LARGE1: variants seen among roughly 807,000 people sequenced by gnomAD.
LARGE1 encodes the protein LARGE xylosyl- and glucuronyltransferase 1, also known as xylosyl- and glucuronyltransferase LARGE1.
In LARGE1, 43 loss-of-function variants were observed where a neutral mutation model predicts 87.6. The observed-to-expected ratio is 0.49, with a 90% confidence interval of 0.38 to 0.63. The LOEUF is 0.63. Among genes scored for constraint, LARGE1 ranks in the 30% least tolerant of loss-of-function variants. The pLI is 0.00. For synonymous variants in LARGE1, 434 were observed against 394.6 expected (o/e 1.10, Z -1.18); for missense variants, 802 against 1,000.2 (o/e 0.80, Z 2.67).
At chr22:33,535,871 T>C (rs2077027998) in intron 6 of LARGE1, among the ~76,000 whole-genome samples, 1 of 152,230 alleles carries the variant, frequency 6.6e-6, no homozygotes. Context: ...CCCTTGTCTG[T>C]ATTCTCCTCT....
chr22:33,575,812 C>T (rs535617207), intron 5 of LARGE1, among the ~76,000 whole-genome samples: 194 of 152,240 alleles, frequency 1.3e-3, no homozygotes, highest in Non-Finnish European at 2.3e-3. Flanking sequence ...TCTACAGACA[C>T]GTCCCTCCTC....
chr22:33,243,082 A>G (rs1031185207), intron 11 of LARGE1, among the ~76,000 whole-genome samples: 1 of 152,156 alleles, frequency 6.6e-6, no homozygotes, highest in Non-Finnish European at 1.5e-5. Context: ...CAATGACTCC[A>G]TTTACAAATA....
chr22:33,084,123 CTTAT>C, the LARGE1 span, among the ~76,000 whole-genome samples: 3 of 152,088 alleles, frequency 2.0e-5, no homozygotes, highest in Non-Finnish European at 4.4e-5. Context: ...TTTATTTTTT[CTTAT>C]TTATTTAATC....
chr22:33,680,644 T>C (rs926196753), intron 2 of LARGE1, among the ~76,000 whole-genome samples: 1 of 152,148 alleles, frequency 6.6e-6, no homozygotes, highest in African/African-American at 2.4e-5. Flanking sequence ...TGTTAGCTTT[T>C]GGAGAGGGTG....
intron 1 of LARGE1, among the ~76,000 whole-genome samples, chr22:33,819,947 C>T (rs5749673): frequency 0.25 from 37,492 of 151,986 alleles, 4,851 homozygotes; most frequent in East Asian, 0.41. Context: ...GGGCCCTACC[C>T]GCAGGTAATG....
chr22:33,837,475 A>G (rs115922218), intron 1 of LARGE1, among the ~76,000 whole-genome samples: 23 of 152,338 alleles, frequency 1.5e-4, no homozygotes, highest in African/African-American at 5.5e-4. Context: ...AAGAAAGGCT[A>G]ATTCAAGTGG....
At chr22:33,084,974 T>G in the LARGE1 span, among the ~76,000 whole-genome samples, 36 of 152,148 alleles carry the variant, frequency 2.4e-4, no homozygotes, top group Non-Finnish European at 4.9e-4. Context: ...ATAAAGCATA[T>G]TCTCAAAAAC....
intron 2 of LARGE1, among the ~76,000 whole-genome samples, chr22:33,715,968 T>G (rs1026759510): frequency 7.2e-5 from 11 of 152,178 alleles, no homozygotes; most frequent in South Asian, 6.2e-4. Flanking sequence ...TTGAGTTAAT[T>G]CCCCATTACT....
At chr22:33,770,386 A>G (rs979102452) in intron 1 of LARGE1, among the ~76,000 whole-genome samples, 10 of 152,250 alleles carry the variant, frequency 6.6e-5, no homozygotes, top group Non-Finnish European at 1.5e-4. Flanking sequence ...CCTGAACTTA[A>G]AAGGTGAAAG....
At chr22:33,720,007 T>C (rs969800273) in intron 2 of LARGE1, among the ~76,000 whole-genome samples, 1 of 152,130 alleles carries the variant, frequency 6.6e-6, no homozygotes, top group African/African-American at 2.4e-5. Flanking sequence ...GAAGACCATT[T>C]CTCCGCAGAC....
chr22:33,547,338 G>A (rs1034161020), intron 6 of LARGE1, among the ~76,000 whole-genome samples: 4 of 139,710 alleles, frequency 2.9e-5, no homozygotes, highest in Admixed American at 7.7e-5. Flanking sequence ...CCTCGCATGC[G>A]CAGTTCACAA....
At chr22:33,141,169 A>ATCTC in the LARGE1 span, among the ~76,000 whole-genome samples, 177 of 143,968 alleles carry the variant, frequency 1.2e-3, 2 homozygotes, top group African/African-American at 4.2e-3. Flanking sequence ...TATTCTCAGA[A>ATCTC]TCTCTCTCTC....
chr22:33,652,175 A>C (rs916167484), intron 2 of LARGE1, among the ~76,000 whole-genome samples: 1 of 152,134 alleles, frequency 6.6e-6, no homozygotes, highest in Non-Finnish European at 1.5e-5. Flanking sequence ...ACTCTGTCTC[A>C]AAACAAAAAA....
At chr22:33,171,066 A>G (rs1922545919) in intron 11 of LARGE1, among the ~76,000 whole-genome samples, 1 of 152,346 alleles carries the variant, frequency 6.6e-6, no homozygotes, top group Middle Eastern at 3.4e-3. Context: ...CACTCTTGCT[A>G]TGCTTTAGTA....
intron 11 of LARGE1, among the ~76,000 whole-genome samples, chr22:33,227,619 G>A (rs1010013924): frequency 1.3e-5 from 2 of 152,138 alleles, no homozygotes; most frequent in Non-Finnish European, 2.9e-5. Context: ...ACAGAACATT[G>A]TATCTACAGG....
intron 2 of LARGE1, among the ~76,000 whole-genome samples, chr22:33,752,925 T>C (rs918603891): frequency 2.0e-5 from 3 of 152,170 alleles, no homozygotes; most frequent in Admixed American, 6.5e-5. Context: ...AGGCTCAATA[T>C]AATTACAAGG....
intron 1 of LARGE1, among the ~76,000 whole-genome samples, chr22:33,862,157 G>A (rs1310615065): frequency 2.0e-5 from 3 of 152,050 alleles, no homozygotes; most frequent in South Asian, 2.1e-4. Flanking sequence ...CACCGTGCCC[G>A]GCAGGAACCA....
At chr22:33,674,042 CAT>C (rs2081494791) in intron 2 of LARGE1, among the ~76,000 whole-genome samples, 1 of 152,120 alleles carries the variant, frequency 6.6e-6, no homozygotes, top group Non-Finnish European at 1.5e-5. Flanking sequence ...CTCCCGACCT[CAT>C]GTGATCCACC....
At chr22:33,141,494 C>T in the LARGE1 span, among the ~76,000 whole-genome samples, 3 of 151,764 alleles carry the variant, frequency 2.0e-5, no homozygotes, top group Non-Finnish European at 2.9e-5. Flanking sequence ...TATTTCTTGC[C>T]TTTTTATAGT....
Sources: gnomAD v4.1 joint callset for allele counts (sites outside exome capture counted in the v4.1 genomes callset) on GRCh38, gnomAD v4.1.1 for gene constraint, MANE v1.5 for transcripts, NCBI Gene and HGNC (gene_info 2026-07-23, HGNC 2026-07-21) for gene names.